The following UBAC2 variants were observed in gnomAD, a reference collection of about 807,000 sequenced individuals.
UBAC2 encodes UBA domain containing 2.
Under a neutral mutation model 44.0 loss-of-function variants are expected in UBAC2, and 26 were observed. That is an observed-to-expected ratio of 0.59 (90% CI 0.43 to 0.82). The LOEUF (loss-of-function observed/expected upper bound fraction) is 0.82, where lower values mean the gene tolerates loss of function less well. Among genes scored for constraint, UBAC2 ranks in the 40% least tolerant of loss-of-function variants. UBAC2 has a pLI of 0.00. For missense variants in UBAC2, 329 were observed against 419.4 expected (o/e 0.78, Z 1.88); for synonymous variants, 155 against 154.3 (o/e 1.00, Z -0.04).
intron 4 of UBAC2, chr13:99,296,267 ACTGT>A (rs2044171820): frequency 1.1e-6 from 1 of 878,816 alleles, no homozygotes; most frequent in Non-Finnish European, 1.6e-6. Context: ...AGCAATCCAA[ACTGT>A]CTTTTATATA....
chr13:99,324,400 C>T (rs954357392), intron 6 of UBAC2, among the ~76,000 whole-genome samples: 2 of 150,000 alleles, frequency 1.3e-5, no homozygotes, highest in African/African-American at 4.9e-5. Flanking sequence ...TGCTCTGTCC[C>T]CTTTGCCATG....
intron 1 of UBAC2, among the ~76,000 whole-genome samples, chr13:99,223,512 G>A (rs1250552199): frequency 1.9e-5 from 2 of 105,280 alleles, no homozygotes; most frequent in Non-Finnish European, 4.1e-5. Flanking sequence ...GCTTGCTTAG[G>A]TTTTAATTTG....
intron 4 of UBAC2, among the ~76,000 whole-genome samples, chr13:99,271,405 C>T (rs1225986204): frequency 2.6e-5 from 4 of 152,072 alleles, no homozygotes; most frequent in Admixed American, 6.6e-5. Context: ...CCATCCCGTA[C>T]GTGGACAGCT....
In UBAC2 at chr13:99,228,634, T is replaced by C. The variant is rs1353465704; in HGVS notation, c.32-9793T>C. The stretch of plus-strand genomic sequence containing the variant: ...TTATTTCATTTTCTTCTCGTAACAC[T>C]TTTGAGGTAGGTTCTCATCTCCATT... On this transcript the variant is annotated intron_variant, in intron 1 of 8. Transcript: ENST00000403766. 4.6e-5 allele frequency among the ~76,000 whole-genome samples: 7 copies of C among 152,282 alleles called. No homozygotes were observed. The East Asian group carries it at 7.7e-4, about 17-fold the overall frequency.
In UBAC2 at chr13:99,338,330, T is replaced by TG. The variant is rs2044832186; in HGVS notation, c.562-1989dup. ...GCCTTGGCCTCCCAAAGTGCAGGGA[T>TG]GACAGGTGTGAGCCACTGCGCCCAA... On this transcript the variant is annotated intron_variant, in intron 6 of 8. Transcript: ENST00000403766. 1.3e-5 allele frequency among the ~76,000 whole-genome samples: 2 copies of TG among 152,122 alleles called. 1 individual carries two copies. Among genetic ancestry groups the TG allele is most frequent in the South Asian group, 4.1e-4 (2 of 4,822 alleles).
At chr13:99,294,014 A>G (rs1041864071) in intron 4 of UBAC2, among the ~76,000 whole-genome samples, 12 of 152,166 alleles carry the variant, frequency 7.9e-5, no homozygotes, top group African/African-American at 2.9e-4. Context: ...GACTACCTGG[A>G]AAGGTCATGC....
chr13:99,256,679 G>A (rs1005454399), intron 4 of UBAC2, among the ~76,000 whole-genome samples: 5 of 149,276 alleles, frequency 3.3e-5, no homozygotes, highest in Non-Finnish European at 7.4e-5. Flanking sequence ...GTAACTTGAT[G>A]TGTATGTAGA....
intron 6 of UBAC2, among the ~76,000 whole-genome samples, chr13:99,318,972 A>C (rs2044532717): frequency 4.0e-5 from 6 of 151,882 alleles, no homozygotes; most frequent in Non-Finnish European, 1.5e-5. Flanking sequence ...GAAAATGAAG[A>C]AGTTGGACTT....
chr13:99,236,785 G>T (rs1014833717), intron 1 of UBAC2, among the ~76,000 whole-genome samples: 1 of 152,112 alleles, frequency 6.6e-6, no homozygotes, highest in Non-Finnish European at 1.5e-5. Flanking sequence ...GGGGGGCAGA[G>T]GTTGCAGTGA....
intron 4 of UBAC2, chr13:99,255,153 C>T: frequency 1.2e-6 from 2 of 1,614,132 alleles, no homozygotes; most frequent in African/African-American, 1.3e-5. Context: ...AGACGAGCAC[C>T]TGCACCAGCA....
intron 4 of UBAC2, among the ~76,000 whole-genome samples, chr13:99,305,124 GA>G (rs1158714083): frequency 5.9e-5 from 9 of 152,192 alleles, no homozygotes; most frequent in African/African-American, 2.2e-4. Flanking sequence ...AATTTCGATT[GA>G]AAAAAGATGG....
intron 7 of UBAC2, among the ~76,000 whole-genome samples, chr13:99,347,494 G>T (rs910854236): frequency 6.6e-6 from 1 of 152,044 alleles, no homozygotes; most frequent in Non-Finnish European, 1.5e-5. Context: ...CTGACTGGCT[G>T]CCCTCATTCT....
At chr13:99,290,671 G>T (rs1328255281) in intron 4 of UBAC2, among the ~76,000 whole-genome samples, 1 of 149,512 alleles carries the variant, frequency 6.7e-6, no homozygotes, top group Non-Finnish European at 1.5e-5. Flanking sequence ...GTTGCAGTGA[G>T]CCAAGATTGC....
intron 8 of UBAC2, among the ~76,000 whole-genome samples, chr13:99,383,631 C>G (rs117078742): frequency 6.6e-6 from 1 of 152,240 alleles, no homozygotes; most frequent in African/African-American, 2.4e-5. Context: ...CAGGGCTGTG[C>G]GTCAGTCCCC....
chr13:99,248,013 A>C (rs868837064), intron 4 of UBAC2, among the ~76,000 whole-genome samples: 1 of 152,162 alleles, frequency 6.6e-6, no homozygotes, highest in Non-Finnish European at 1.5e-5. Context: ...TTGTTTCATG[A>C]AACCACCTGC....
At chr13:99,290,014 C>T (rs920298575) in intron 4 of UBAC2, among the ~76,000 whole-genome samples, 3 of 152,140 alleles carry the variant, frequency 2.0e-5, no homozygotes, top group Non-Finnish European at 4.4e-5. Flanking sequence ...TTCTGAGGAC[C>T]TGGAACATAT....
intron 4 of UBAC2, among the ~76,000 whole-genome samples, chr13:99,247,457 G>A (rs527880036): frequency 8.0e-5 from 12 of 149,414 alleles, no homozygotes; most frequent in Non-Finnish European, 7.4e-5. Context: ...CTCGTGATCC[G>A]CCCGCCTCGG....
At chr13:99,335,003 T>C (rs2044766607) in intron 6 of UBAC2, among the ~76,000 whole-genome samples, 1 of 152,202 alleles carries the variant, frequency 6.6e-6, no homozygotes, top group African/African-American at 2.4e-5. Context: ...AGTAGACTTC[T>C]CTATGAGTAT....
chr13:99,329,368 A>G (rs1356594375), intron 6 of UBAC2, among the ~76,000 whole-genome samples: 8 of 152,202 alleles, frequency 5.3e-5, no homozygotes, highest in Non-Finnish European at 1.5e-5. Flanking sequence ...TTGCGTTGAA[A>G]CTTTAGATCA....
Sources: gnomAD v4.1 joint callset for allele counts (sites outside exome capture counted in the v4.1 genomes callset) on GRCh38, gnomAD v4.1.1 for gene constraint, MANE v1.5 for transcripts, NCBI Gene and HGNC (gene_info 2026-07-23, HGNC 2026-07-21) for gene names.